MIR2052HG: variants seen among roughly 807,000 people sequenced by gnomAD.
The protein encoded by MIR2052HG is MIR2052 host gene.
rs1809449106 is a variant in MIR2052HG at position 74,709,910 on chromosome 8, A to G, written n.371+6228A>G. On this transcript the variant is annotated intron_variant and non_coding_transcript_variant, in intron 4 of 6. Coordinates refer to ENST00000523442, the Ensembl canonical transcript of MIR2052HG. ...TTTATTGGCAGTGGTAAATAATGAT[A>G]ATTTTTAAAATTGGCAGTGGTAAAT... 2.6e-5 allele frequency among the ~76,000 whole-genome samples: 4 copies of G among 152,240 alleles called. No individual in the cohort carries two copies. The South Asian group carries it at 6.2e-4, about 24-fold the overall frequency.
At chr8:74,747,955 C>A (rs1006463547) in intron 4 of MIR2052HG, among the ~76,000 whole-genome samples, 1 of 152,144 alleles carries the variant, frequency 6.6e-6, no homozygotes, top group African/African-American at 2.4e-5. Flanking sequence ...TATATGCATA[C>A]ATTTCAAATT....
chr8:74,614,790 G>A (rs1808254670), intron 2 of MIR2052HG, among the ~76,000 whole-genome samples: 1 of 151,512 alleles, frequency 6.6e-6, no homozygotes, highest in Non-Finnish European at 1.5e-5. Flanking sequence ...CTCTGATATA[G>A]GGTGGATGAA....
chr8:74,733,590 T>C (rs1809717884), intron 4 of MIR2052HG, among the ~76,000 whole-genome samples: 1 of 144,696 alleles, frequency 6.9e-6, no homozygotes, highest in Non-Finnish European at 1.5e-5. Flanking sequence ...CCTTTGGGTA[T>C]ATACCCAGTA....
rs188901070 is a variant in MIR2052HG at position 74,720,727 on chromosome 8, T to C, written n.371+17045T>C. On this transcript the variant is annotated intron_variant and non_coding_transcript_variant, in intron 4 of 6. Transcript: ENST00000523442. ...AAAGAGCTACCTGAGCCTGGGTAATTTGGGGGGCGGTGTGTGTGTATGTAT... is the reference window on the plus strand; with the variant it reads ...AAAGAGCTACCTGAGCCTGGGTAATCTGGGGGGCGGTGTGTGTGTATGTAT... 2.0e-3 allele frequency among the ~76,000 whole-genome samples: 297 copies of C among 152,198 alleles called. No homozygotes were observed. In the Middle Eastern group the frequency reaches 0.02, roughly 10 times the overall value.
intron 4 of MIR2052HG, among the ~76,000 whole-genome samples, chr8:74,732,043 G>A (rs115966774): frequency 0.013 from 1,937 of 152,202 alleles, 32 homozygotes; most frequent in African/African-American, 0.045. Flanking sequence ...TTTAAAGAGG[G>A]AAAGGAATGC....
chr8:74,612,740 AC>A, intron 1 of MIR2052HG: 1 of 365,334 alleles, frequency 2.7e-6, no homozygotes, highest in Non-Finnish European at 5.4e-6. Flanking sequence ...TGCTGTAAAA[AC>A]ATATTGCTTT....
At chr8:74,718,518 C>A (rs1372909898) in intron 4 of MIR2052HG, among the ~76,000 whole-genome samples, 1 of 152,140 alleles carries the variant, frequency 6.6e-6, no homozygotes, top group Non-Finnish European at 1.5e-5. Context: ...ATACTTCTTC[C>A]TTTTAAAGGA....
chr8:74,658,010 TCA>T (rs1192469154), intron 2 of MIR2052HG, among the ~76,000 whole-genome samples: 1 of 152,214 alleles, frequency 6.6e-6, no homozygotes, highest in African/African-American at 2.4e-5. Flanking sequence ...AGTAATTTTC[TCA>T]GTTTTCCTAC....
rs746183941 is a variant in MIR2052HG, at chr8:74,632,166, C to A, written n.216+19226C>A. Among the ~76,000 whole-genome samples the A allele has an allele frequency of 3.9e-4, 59 of 152,282 alleles. No homozygotes were observed. The Middle Eastern group carries it at 0.01, about 26-fold the overall frequency. On this transcript the variant is annotated intron_variant and non_coding_transcript_variant, in intron 2 of 6. Coordinates refer to ENST00000523442, the Ensembl canonical transcript of MIR2052HG. ...TTTCCACTCATTGCTCCTTTGCAGG[C>A]GATCCTTATGATCTGGGCATCCCTC...
At chr8:74,705,842 G>A (rs1305758554) in intron 4 of MIR2052HG, 1 of 167,204 alleles carries the variant, frequency 6.0e-6, no homozygotes, top group Admixed American at 6.6e-5. Flanking sequence ...GATAAAACTA[G>A]GCCCATGGAT....
intron 4 of MIR2052HG, among the ~76,000 whole-genome samples, chr8:74,736,385 A>G (rs1237678167): frequency 3.9e-5 from 6 of 152,228 alleles, no homozygotes; most frequent in African/African-American, 1.4e-4. Context: ...AAAGAGCCAT[A>G]CAAAATTTAT....
chr8:74,747,804 T>C lies in MIR2052HG; in HGVS notation n.372-4637T>C, dbSNP rs1459715871. ...TCTAAACTGAGACAAATGAATTCCATTTAGTTCTATGTCCTTTTCAATCTA... is the reference window on the plus strand; with the variant it reads ...TCTAAACTGAGACAAATGAATTCCACTTAGTTCTATGTCCTTTTCAATCTA... On this transcript the variant is annotated intron_variant and non_coding_transcript_variant, in intron 4 of 6. Coordinates refer to ENST00000523442, the Ensembl canonical transcript of MIR2052HG. Among the ~76,000 whole-genome samples, 6 of 152,144 alleles carry C rather than the reference T, an allele frequency of 3.9e-5. No individual in the cohort carries two copies. In the East Asian group the frequency reaches 1.2e-3, roughly 29 times the overall value.
intron 2 of MIR2052HG, among the ~76,000 whole-genome samples, chr8:74,617,502 T>C (rs1187978439): frequency 1.3e-5 from 2 of 151,880 alleles, no homozygotes; most frequent in East Asian, 3.9e-4. Context: ...CATACATACA[T>C]ATATGCACAC....
chr8:74,639,014 C>T (rs1808611825), intron 2 of MIR2052HG, among the ~76,000 whole-genome samples: 1 of 152,050 alleles, frequency 6.6e-6, no homozygotes, highest in Admixed American at 6.6e-5. Context: ...CTACCAATAG[C>T]AAGAGGAAAA....
intron 2 of MIR2052HG, among the ~76,000 whole-genome samples, chr8:74,671,381 C>A (rs960853958): frequency 6.6e-6 from 1 of 151,994 alleles, no homozygotes; most frequent in African/African-American, 2.4e-5. Flanking sequence ...TATTTTTATA[C>A]ATATTCTAAG....
chr8:74,604,718 C>T (rs1425273136), intron 1 of MIR2052HG, among the ~76,000 whole-genome samples: 1 of 151,244 alleles, frequency 6.6e-6, no homozygotes, highest in Non-Finnish European at 1.5e-5. Context: ...CTCAGCCTCC[C>T]TAGTAGCTGG....
rs530811170 is a variant in MIR2052HG at position 74,733,460 on chromosome 8, T to C, written n.372-18981T>C. Among the ~76,000 whole-genome samples the C allele has an allele frequency of 2.0e-5, 3 of 151,770 alleles. No homozygotes were observed. The East Asian group carries it at 5.8e-4, about 29-fold the overall frequency. On this transcript the variant is annotated intron_variant and non_coding_transcript_variant, in intron 4 of 6. Coordinates refer to ENST00000523442, the Ensembl canonical transcript of MIR2052HG. ...TATTCCATGGTGTATATGTGCCACA[T>C]TTTCTTAATCCAGTCTATCATTGTT...
intron 2 of MIR2052HG, among the ~76,000 whole-genome samples, chr8:74,624,942 A>G (rs768483393): frequency 2.0e-5 from 3 of 152,244 alleles, no homozygotes; most frequent in Non-Finnish European, 2.9e-5. Flanking sequence ...AGTTGGACAG[A>G]GCACAGATGA....
chr8:74,727,897 C>T (rs1809653042), intron 4 of MIR2052HG, among the ~76,000 whole-genome samples: 3 of 150,806 alleles, frequency 2.0e-5, no homozygotes, highest in African/African-American at 7.5e-5. Flanking sequence ...CAGCTTATGG[C>T]GTCTTGCCTT....
Sources: allele counts gnomAD v4.1 joint callset (sites outside exome capture counted in the v4.1 genomes callset), GRCh38; gene constraint gnomAD v4.1.1; transcripts MANE v1.5; gene names NCBI Gene and HGNC (gene_info 2026-07-23, HGNC 2026-07-21).